SLC30A8: variants seen among roughly 807,000 people sequenced by gnomAD.
SLC30A8 encodes the protein solute carrier family 30 member 8, also known as proton-coupled zinc antiporter SLC30A8.
Under a neutral mutation model 36.9 loss-of-function variants are expected in SLC30A8, and 27 were observed. That is an observed-to-expected ratio of 0.73 (90% CI 0.54 to 1.01). The LOEUF is 1.01. SLC30A8 is among the 50% of genes least tolerant of loss of function. SLC30A8 has a pLI of 0.00. For missense variants in SLC30A8, 439 were observed against 452.0 expected (o/e 0.97, Z 0.26); for synonymous variants, 164 against 172.4 (o/e 0.95, Z 0.38).
chr8:117,090,328 A>G (rs922672243), intron 2 of SLC30A8, among the ~76,000 whole-genome samples: 6 of 152,038 alleles, frequency 3.9e-5, no homozygotes, highest in Non-Finnish European at 7.4e-5. Flanking sequence ...TGCTTCATTT[A>G]CTCATTCATT....
At chr8:117,128,262 C>A (rs1254830716) in intron 2 of SLC30A8, among the ~76,000 whole-genome samples, 1 of 152,042 alleles carries the variant, frequency 6.6e-6, no homozygotes, top group Admixed American at 6.6e-5. Context: ...TATGGCACAG[C>A]GGCCACAAAC....
chr8:117,080,642 C>T (rs1379207479), intron 2 of SLC30A8, among the ~76,000 whole-genome samples: 2 of 152,174 alleles, frequency 1.3e-5, no homozygotes, highest in African/African-American at 2.4e-5. Context: ...CAGCTGCATC[C>T]ATGTTGCTGC....
chr8:116,965,755 C>CTATTCTTT, intron 1 of SLC30A8, among the ~76,000 whole-genome samples: 1 of 152,288 alleles, frequency 6.6e-6, no homozygotes, highest in East Asian at 1.9e-4. Flanking sequence ...GCTTAAATAA[C>CTATTCTTT]TATTCTTTCT....
chr8:116,966,127 G>A (rs567255270), intron 1 of SLC30A8, among the ~76,000 whole-genome samples: 42 of 152,056 alleles, frequency 2.8e-4, no homozygotes, highest in African/African-American at 6.5e-4. Context: ...CAGGCAATTC[G>A]CCCGTCTCGG....
intron 2 of SLC30A8, among the ~76,000 whole-genome samples, chr8:117,043,414 A>AC (rs1817451669): frequency 6.6e-6 from 1 of 152,220 alleles, no homozygotes; most frequent in Non-Finnish European, 1.5e-5. Context: ...GAATAGAGAG[A>AC]CACCAGGGAA....
intron 1 of SLC30A8, among the ~76,000 whole-genome samples, chr8:116,992,659 T>C (rs1205001898): frequency 6.6e-6 from 1 of 151,856 alleles, no homozygotes; most frequent in African/African-American, 2.4e-5. Flanking sequence ...TACCAAGGGC[T>C]ACCTGTATTG....
intron 1 of SLC30A8, among the ~76,000 whole-genome samples, chr8:117,019,746 G>A (rs968663289): frequency 1.3e-5 from 2 of 152,168 alleles, no homozygotes; most frequent in African/African-American, 4.8e-5. Context: ...TTGGGATGGT[G>A]TGTTGGAAGA....
At chr8:117,015,929 G>A (rs1816503043) in intron 1 of SLC30A8, among the ~76,000 whole-genome samples, 1 of 152,166 alleles carries the variant, frequency 6.6e-6, no homozygotes, top group Non-Finnish European at 1.5e-5. Context: ...TACTTGTTGA[G>A]TAGGTTAACT....
chr8:117,161,575 CAT>C (rs1363695221), intron 4 of SLC30A8, among the ~76,000 whole-genome samples, 161 bp from the exon 5 acceptor site: 1 of 152,306 alleles, frequency 6.6e-6, no homozygotes, highest in East Asian at 1.9e-4. Context: ...AATTCTATGA[CAT>C]ATGTATTTAA....
At chr8:117,118,851 T>G (rs1379732318) in intron 2 of SLC30A8, among the ~76,000 whole-genome samples, 1 of 151,934 alleles carries the variant, frequency 6.6e-6, no homozygotes, top group Non-Finnish European at 1.5e-5. Flanking sequence ...TGCATTGCTG[T>G]CAGGTGATGG....
At chr8:117,058,617 A>G (rs566365539) in intron 2 of SLC30A8, among the ~76,000 whole-genome samples, 2 of 152,344 alleles carry the variant, frequency 1.3e-5, no homozygotes, top group Admixed American at 6.5e-5. Context: ...TGATAACACC[A>G]TAACAGGAGT....
chr8:117,155,007 C>T (rs1006413897), intron 3 of SLC30A8, among the ~76,000 whole-genome samples: 3 of 152,148 alleles, frequency 2.0e-5, no homozygotes, highest in Non-Finnish European at 4.4e-5. Flanking sequence ...AGCAGCCATG[C>T]ATGATTGGTG....
At chr8:117,163,331 GA>G (rs1822888523) in intron 5 of SLC30A8, 93 bp from the exon 6 acceptor site, 1 of 936,658 alleles carries the variant, frequency 1.1e-6, no homozygotes, top group Admixed American at 2.2e-5. Context: ...GACAGAGAAG[GA>G]AAGACACAGG....
chr8:117,006,577 A>C (rs540864768), intron 1 of SLC30A8, among the ~76,000 whole-genome samples: 9 of 152,058 alleles, frequency 5.9e-5, no homozygotes, highest in African/African-American at 1.9e-4. Context: ...GTGTCTGACA[A>C]TTTCAGCCTC....
chr8:116,957,534 G>A (rs1326412928), intron 1 of SLC30A8, among the ~76,000 whole-genome samples: 2 of 152,128 alleles, frequency 1.3e-5, no homozygotes, highest in African/African-American at 4.8e-5. Context: ...GCCTCCCGAA[G>A]TGCTGGGATT....
chr8:117,003,848 A>G (rs1020215672), intron 1 of SLC30A8, among the ~76,000 whole-genome samples: 46 of 152,218 alleles, frequency 3.0e-4, no homozygotes, highest in African/African-American at 1.1e-3. Flanking sequence ...GGCCAGAGGA[A>G]AACATTTTGA....
At chr8:117,098,216 C>T (rs994865086) in intron 2 of SLC30A8, among the ~76,000 whole-genome samples, 5 of 150,880 alleles carry the variant, frequency 3.3e-5, no homozygotes, top group African/African-American at 1.2e-4. Context: ...TTTAAGGTGA[C>T]GGTCATCTCA....
At chr8:117,126,756 A>G (rs1054620935) in intron 2 of SLC30A8, among the ~76,000 whole-genome samples, 7 of 152,050 alleles carry the variant, frequency 4.6e-5, no homozygotes, top group African/African-American at 1.4e-4. Flanking sequence ...AAGATGGAAG[A>G]GAGATAACAA....
intron 6 of SLC30A8, among the ~76,000 whole-genome samples, chr8:117,169,612 A>AATTATCTCATTTTTT (rs1463165240): frequency 2.6e-5 from 4 of 152,202 alleles, no homozygotes; most frequent in Admixed American, 2.6e-4. Flanking sequence ...TTATAAAGAA[A>AATTATCTCATTTTTT]ATAAGGTTAA....
Sources: allele counts gnomAD v4.1 joint callset (sites outside exome capture counted in the v4.1 genomes callset), GRCh38; gene constraint gnomAD v4.1.1; transcripts MANE v1.5; gene names NCBI Gene and HGNC (gene_info 2026-07-23, HGNC 2026-07-21).